FAM78B: variants seen among roughly 807,000 people sequenced by gnomAD.
FAM78B encodes protein FAM78B.
In FAM78B, 10 loss-of-function variants were observed where a neutral mutation model predicts 20.0. The observed-to-expected ratio is 0.50, with a 90% CI of 0.31 to 0.85. The LOEUF is 0.85. Ranked by LOEUF, FAM78B falls within the 40% of genes least tolerant of loss-of-function variation. FAM78B has a pLI of 0.05. For missense variants in FAM78B, 283 were observed against 345.0 expected (o/e 0.82, Z 1.42); for synonymous variants, 135 against 132.8 (o/e 1.02, Z -0.12).
intron 1 of FAM78B, among the ~76,000 whole-genome samples, chr1:166,093,606 A>C (rs1195593284): frequency 6.6e-6 from 1 of 152,206 alleles, no homozygotes; most frequent in Admixed American, 6.5e-5. Context: ...GCGCTAAGAG[A>C]CTGAACCTTT....
chr1:166,089,103 A>G lies in FAM78B; in HGVS notation c.264-18340T>C, dbSNP rs189021288. Among the ~76,000 whole-genome samples the G allele has an allele frequency of 1.3e-3, 201 of 152,300 alleles. 1 individual carries two copies. The highest frequency in any genetic ancestry group is 4.5e-3 in the African/African-American group (186 of 41,562). On this transcript the variant is annotated intron_variant, in intron 1 of 1. Coordinates refer to ENST00000354422, the MANE Select transcript of FAM78B (RefSeq NM_001017961.5). The stretch of plus-strand genomic sequence containing the variant: ...TTCCCACTGCTCCCTTGGGCAACTG[A>G]GTAATCCTTAGGTCTAAACCCAAGT...
chr1:166,114,010 A>G (rs1257038547), intron 1 of FAM78B, among the ~76,000 whole-genome samples: 1 of 152,222 alleles, frequency 6.6e-6, no homozygotes, highest in Admixed American at 6.5e-5. Context: ...ACTAACCTGA[A>G]GACACCTGTT....
At chr1:166,153,477 C>T (rs1291484614) in intron 1 of FAM78B, among the ~76,000 whole-genome samples, 1 of 152,184 alleles carries the variant, frequency 6.6e-6, no homozygotes, top group East Asian at 1.9e-4. Context: ...GCAGCAGGGC[C>T]AATCGATCAG....
chr1:166,118,121 G>C (rs1219492296), intron 1 of FAM78B, among the ~76,000 whole-genome samples: 3 of 152,194 alleles, frequency 2.0e-5, no homozygotes, highest in Admixed American at 2.0e-4. Flanking sequence ...GGCATAACTA[G>C]GACCACTGGG....
intron 2 of FAM78B, among the ~76,000 whole-genome samples, chr1:166,062,780 T>C (rs146408166): frequency 8.5e-5 from 13 of 152,322 alleles, no homozygotes; most frequent in African/African-American, 3.1e-4. Context: ...TTTAATGAAA[T>C]AGTTCTCAGC....
At chr1:166,086,768 C>A (rs1170944649) in intron 1 of FAM78B, among the ~76,000 whole-genome samples, 1 of 152,152 alleles carries the variant, frequency 6.6e-6, no homozygotes, top group Admixed American at 6.5e-5. Flanking sequence ...TCTTACCAGG[C>A]AGATGCCAGC....
In FAM78B at chr1:166,130,552, T is replaced by C. The variant is rs551714918; in HGVS notation, c.263+35434A>G. ...TCACAGCTGGAAGGTACTACTGGCA[T>C]TTAGTGGGTAGAGGCTAGGTATGCT... On this transcript the variant is annotated intron_variant, in intron 1 of 1. Coordinates refer to ENST00000354422, the MANE Select transcript of FAM78B (RefSeq NM_001017961.5). Among the ~76,000 whole-genome samples, 33 of 152,300 alleles carry C rather than the reference T, an allele frequency of 2.2e-4. No individual in the cohort carries two copies. In the South Asian group the frequency reaches 6.4e-3, roughly 30 times the overall value.
chr1:166,104,397 A>C (rs556915235), intron 1 of FAM78B, among the ~76,000 whole-genome samples: 2 of 152,298 alleles, frequency 1.3e-5, no homozygotes, highest in East Asian at 3.9e-4. Context: ...TCAATTAGGA[A>C]AAGAGGAAGT....
At chr1:166,087,700 C>G (rs1307939487) in intron 1 of FAM78B, among the ~76,000 whole-genome samples, 1 of 152,196 alleles carries the variant, frequency 6.6e-6, no homozygotes, top group Non-Finnish European at 1.5e-5. Context: ...GACTTAAACC[C>G]AGAGGAGACA....
intron 1 of FAM78B, among the ~76,000 whole-genome samples, chr1:166,160,972 A>G (rs1034435928): frequency 2.6e-5 from 4 of 152,236 alleles, no homozygotes; most frequent in African/African-American, 9.6e-5. Flanking sequence ...CAGAGGAGAT[A>G]GCGGCTGAGA....
At chr1:166,075,683 TGC>T (rs1652242702) in intron 1 of FAM78B, among the ~76,000 whole-genome samples, 1 of 152,254 alleles carries the variant, frequency 6.6e-6, no homozygotes, top group Non-Finnish European at 1.5e-5. Flanking sequence ...CAGTGTCCTT[TGC>T]TAGTTCTGCC....
intron 1 of FAM78B, among the ~76,000 whole-genome samples, chr1:166,139,730 T>C (rs1571198135): frequency 6.6e-6 from 1 of 152,342 alleles, no homozygotes; most frequent in Non-Finnish European, 1.5e-5. Flanking sequence ...ACCAGACTAA[T>C]GAATCCCAAA....
intron 1 of FAM78B, among the ~76,000 whole-genome samples, chr1:166,128,504 A>C (rs1176547492): frequency 6.6e-6 from 1 of 152,244 alleles, no homozygotes; most frequent in Non-Finnish European, 1.5e-5. Context: ...ATTAGTTTTC[A>C]CTGTGACAAC....
exon 3 of FAM78B, chr1:166,058,499 TTG>T (rs67247909): frequency 0.039 from 5,679 of 145,674 alleles, 211 homozygotes; most frequent in African/African-American, 0.096. Flanking sequence ...TCCCTAGGCT[TTG>T]TGTGTGTGTG....
intron 1 of FAM78B, among the ~76,000 whole-genome samples, chr1:166,099,283 A>T (rs1051661029): frequency 3.3e-5 from 5 of 152,226 alleles, no homozygotes; most frequent in African/African-American, 1.2e-4. Flanking sequence ...AAGACATCAA[A>T]ACAGAACCTC....
exon 3 of FAM78B, chr1:166,058,469 A>T (rs1167931863): frequency 6.6e-6 from 1 of 151,172 alleles, no homozygotes; most frequent in African/African-American, 2.4e-5. Context: ...GGCAAAATGA[A>T]CTTACCCACA....
chr1:166,117,554 G>T (rs1028218109), intron 1 of FAM78B, among the ~76,000 whole-genome samples: 2 of 152,018 alleles, frequency 1.3e-5, no homozygotes, highest in Admixed American at 6.5e-5. Context: ...TTTCTTTGCA[G>T]TCTTAATGGC....
At chr1:166,081,485 C>T (rs957157592) in intron 1 of FAM78B, among the ~76,000 whole-genome samples, 7 of 152,286 alleles carry the variant, frequency 4.6e-5, no homozygotes, top group African/African-American at 1.4e-4. Context: ...TGGAGCAAAG[C>T]GCCTTACCCC....
In FAM78B at chr1:166,121,748, C is replaced by T. The variant is rs551773511; in HGVS notation, c.263+44238G>A. Reference sequence around the variant, plus strand: ...TCTATGAGGTAGGTACTATTACTACCGTCATTCTATAGATGAGGAACCTGA... The same window carrying T: ...TCTATGAGGTAGGTACTATTACTACTGTCATTCTATAGATGAGGAACCTGA... On this transcript the variant is annotated intron_variant, in intron 1 of 1. Transcript: ENST00000354422. 9.9e-5 allele frequency among the ~76,000 whole-genome samples: 15 copies of T among 152,282 alleles called. No homozygotes were observed. The East Asian group carries it at 2.5e-3, about 25-fold the overall frequency.
Sources: allele counts gnomAD v4.1 joint callset (sites outside exome capture counted in the v4.1 genomes callset), GRCh38; gene constraint gnomAD v4.1.1; transcripts MANE v1.5; gene names NCBI Gene and HGNC (gene_info 2026-07-23, HGNC 2026-07-21).